The following TNNI3K variants were observed in gnomAD, a reference collection of about 807,000 sequenced individuals.
The protein encoded by TNNI3K is serine/threonine-protein kinase TNNI3K.
TNNI3K carries 140 observed loss-of-function variants against 114.5 expected under a neutral mutation model. The observed-to-expected ratio is 1.22, with a 90% confidence interval of 1.07 to 1.41. TNNI3K has a LOEUF of 1.41. TNNI3K is among the 40% of genes most tolerant of loss of function. The probability of loss-of-function intolerance (pLI) is 0.00; values close to 1 mark genes in which losing one functional copy is unlikely to be tolerated. For missense variants in TNNI3K, 1,125 were observed against 1,007.6 expected (o/e 1.12, Z -1.58); for synonymous variants, 347 against 347.5 (o/e 1.00, Z 0.02).
At chr1:74,346,787 T>A (rs1409432469) in intron 9 of TNNI3K, among the ~76,000 whole-genome samples, 1 of 151,544 alleles carries the variant, frequency 6.6e-6, no homozygotes, top group Non-Finnish European at 1.5e-5. Flanking sequence ...AAGTCCAAGA[T>A]CAAGGTGTCA....
At chr1:74,489,044 C>A in intron 21 of TNNI3K, 145 bp from the exon 22 acceptor site, 1 of 614,726 alleles carries the variant, frequency 1.6e-6, no homozygotes, top group African/African-American at 1.9e-5. Context: ...ATTCAATTAA[C>A]ACTTCAATAA....
At chr1:74,309,897 A>G (rs1658884503) in intron 5 of TNNI3K, among the ~76,000 whole-genome samples, 1 of 152,180 alleles carries the variant, frequency 6.6e-6, no homozygotes, top group African/African-American at 2.4e-5. Flanking sequence ...AAGAACTAGT[A>G]CAAAACAAGA....
At chr1:74,256,267 A>C (rs1344524749) in intron 4 of TNNI3K, among the ~76,000 whole-genome samples, 2 of 121,072 alleles carry the variant, frequency 1.7e-5, no homozygotes, top group African/African-American at 3.0e-5. Flanking sequence ...CCTTTCCGGC[A>C]CTTGGTGTGG....
intron 11 of TNNI3K, among the ~76,000 whole-genome samples, chr1:74,355,954 T>C (rs1363041611): frequency 6.6e-6 from 1 of 152,192 alleles, no homozygotes; most frequent in East Asian, 1.9e-4. Flanking sequence ...TATAGGTCAA[T>C]GAATTTCACA....
chr1:74,260,511 G>A (rs1358658464), intron 4 of TNNI3K, among the ~76,000 whole-genome samples: 2 of 152,078 alleles, frequency 1.3e-5, no homozygotes, highest in East Asian at 3.9e-4. Context: ...CCTCTAAAAT[G>A]AAGCAGATAG....
At chr1:74,434,960 G>A (rs1557563474) in intron 17 of TNNI3K, among the ~76,000 whole-genome samples, 1 of 151,810 alleles carries the variant, frequency 6.6e-6, no homozygotes, top group African/African-American at 2.4e-5. Context: ...AGAAATAGTG[G>A]CATTTTTCTT....
At chr1:74,288,328 C>A (rs987429355) in intron 5 of TNNI3K, among the ~76,000 whole-genome samples, 2 of 151,952 alleles carry the variant, frequency 1.3e-5, no homozygotes, top group Admixed American at 6.6e-5. Flanking sequence ...TTCACAATAG[C>A]CAAGATGTGA....
chr1:74,391,270 A>G (rs1663756040), intron 17 of TNNI3K, among the ~76,000 whole-genome samples: 1 of 152,204 alleles, frequency 6.6e-6, no homozygotes, highest in Non-Finnish European at 1.5e-5. Context: ...TTCTGAATGT[A>G]TTAGGGAGAA....
chr1:74,289,715 A>C (rs1041733388), intron 5 of TNNI3K, among the ~76,000 whole-genome samples: 1 of 151,958 alleles, frequency 6.6e-6, no homozygotes, highest in African/African-American at 2.4e-5. Flanking sequence ...AAGTTCATTC[A>C]GATTATTTAT....
At position 74,362,789 on chromosome 1, in the gene TNNI3K, G is replaced by T. The variant is rs556115065; in HGVS notation, c.1178-4467G>T. Among the ~76,000 whole-genome samples, 5 of 152,068 alleles carry T rather than the reference G, an allele frequency of 3.3e-5. No individual in the cohort carries two copies. The South Asian group carries it at 6.2e-4, about 19-fold the overall frequency. ...AATCACACCAAATATAAGAAGTAAA[G>T]GAACACAAATAGACAAATTAAAGGG... On this transcript the variant is annotated intron_variant, in intron 11 of 24. Coordinates refer to ENST00000326637, the MANE Select transcript of TNNI3K (RefSeq NM_015978.3).
At chr1:74,449,111 T>G in intron 20 of TNNI3K, among the ~76,000 whole-genome samples, 1 of 147,500 alleles carries the variant, frequency 6.8e-6, no homozygotes, top group Non-Finnish European at 1.5e-5. Context: ...TTTTGGTTGG[T>G]AAACTATTGA....
rs1005544342 is a variant in TNNI3K at position 74,321,171 on chromosome 1, C to A, written c.445-10279C>A. Among the ~76,000 whole-genome samples the A allele has an allele frequency of 3.3e-5, 5 of 152,208 alleles. No homozygotes were observed. In the East Asian group the frequency reaches 9.7e-4, roughly 30 times the overall value. ...GAAAGCCTGTTTTCTCAGCCAGGGA[C>A]TTTAAAATAAGAGCTCCACATAAGA... On this transcript the variant is annotated intron_variant, in intron 5 of 24. Transcript: ENST00000326637.
chr1:74,487,952 G>A (rs2100287755), intron 21 of TNNI3K, among the ~76,000 whole-genome samples: 1 of 152,232 alleles, frequency 6.6e-6, no homozygotes, highest in African/African-American at 2.4e-5. Context: ...CATTGGTCAT[G>A]ACAGGGTCTA....
chr1:74,262,524 A>G (rs991086377), intron 4 of TNNI3K, among the ~76,000 whole-genome samples: 4 of 152,140 alleles, frequency 2.6e-5, no homozygotes, highest in Middle Eastern at 3.4e-3. Flanking sequence ...CAAGATAGTA[A>G]TAAGAAATAA....
intron 20 of TNNI3K, among the ~76,000 whole-genome samples, chr1:74,440,065 A>T (rs1460701288): frequency 6.6e-6 from 1 of 151,778 alleles, no homozygotes; most frequent in African/African-American, 2.4e-5. Context: ...AAAAAAGAAG[A>T]TGGGTTTTCC....
At chr1:74,535,973 A>G (rs1307534690) in intron 23 of TNNI3K, among the ~76,000 whole-genome samples, 2 of 152,182 alleles carry the variant, frequency 1.3e-5, no homozygotes, top group African/African-American at 4.8e-5. Context: ...TAATAAAGTA[A>G]ATCTAGAATG....
intron 17 of TNNI3K, among the ~76,000 whole-genome samples, chr1:74,409,396 G>T (rs758072178): frequency 6.6e-6 from 1 of 151,834 alleles, no homozygotes; most frequent in Non-Finnish European, 1.5e-5. Context: ...ATATAAAGAA[G>T]CGTTCTTTAT....
intron 17 of TNNI3K, among the ~76,000 whole-genome samples, chr1:74,378,070 A>G (rs1662997678): frequency 6.6e-6 from 1 of 152,114 alleles, no homozygotes; most frequent in African/African-American, 2.4e-5. Flanking sequence ...ATGAGAAATA[A>G]TCACTATCAT....
intron 4 of TNNI3K, among the ~76,000 whole-genome samples, chr1:74,256,156 A>G (rs1217005078): frequency 6.6e-6 from 1 of 152,114 alleles, no homozygotes; most frequent in African/African-American, 2.4e-5. Context: ...CATAATAAGT[A>G]TATGCTTAAT....
Sources: allele counts gnomAD v4.1 joint callset (sites outside exome capture counted in the v4.1 genomes callset), GRCh38; gene constraint gnomAD v4.1.1; transcripts MANE v1.5; gene names NCBI Gene and HGNC (gene_info 2026-07-23, HGNC 2026-07-21).